ZYG11B: variants seen among roughly 807,000 people sequenced by gnomAD.
ZYG11B encodes zyg-11 family member B, cell cycle regulator.
ZYG11B carries 36 observed loss-of-function variants against 82.4 expected under a neutral mutation model. That is an observed-to-expected ratio of 0.44 (90% CI 0.33 to 0.58). The LOEUF (loss-of-function observed/expected upper bound fraction) is 0.58. ZYG11B is among the 20% of genes least tolerant of loss of function. The probability of loss-of-function intolerance (pLI) is 0.02; values close to 1 mark genes in which losing one functional copy is unlikely to be tolerated. For synonymous variants in ZYG11B, 303 were observed against 312.8 expected (o/e 0.97, Z 0.33); for missense variants, 552 against 895.6 (o/e 0.62, Z 4.90).
intron 13 of ZYG11B, among the ~76,000 whole-genome samples, chr1:52,819,235 C>T (rs532256209): frequency 7.9e-5 from 12 of 152,250 alleles, no homozygotes; most frequent in African/African-American, 2.2e-4. Context: ...GAGGCTTATC[C>T]GGTCCTTCCT....
chr1:52,813,581 A>G lies in ZYG11B; in HGVS notation c.1741A>G (p.Lys581Glu). The G allele has an allele frequency of 1.2e-6, 2 of 1,613,880 alleles. No homozygotes were observed. The highest frequency in any genetic ancestry group is 1.7e-6 in the Non-Finnish European group (2 of 1,179,900). ...VQELHSELMW[K>E]DFIDHISSLL... ...AGAATTACATTCTGAATTAATGTGG[A>G]AAGATTTTATAGACCACATCAGTAG... The change falls in exon 11 of 14, where the codon AAA becomes GAA. Residue 581 changes from lysine (K) to glutamate (E), a missense_variant. Physicochemically the swap from Lys to Glu is moderately conservative, Grantham distance 56. Coordinates refer to ENST00000294353, the MANE Select transcript of ZYG11B (RefSeq NM_024646.3).
At chr1:52,752,786 C>T (rs1213112363) in intron 1 of ZYG11B, among the ~76,000 whole-genome samples, 2 of 151,976 alleles carry the variant, frequency 1.3e-5, no homozygotes, top group East Asian at 1.9e-4. Flanking sequence ...TGGTTGTTGG[C>T]GTGGGAAAAG....
Position 52,790,053 on chromosome 1 carries a change from T to A in ZYG11B, c.1320T>A (p.Asp440Glu). ...TTTGCAGTGACCGGATCCTTCAAGA[T>A]GTTCCATTTAACAGGCAAGTGATAG... Reference protein sequence around the residue: ...LSLCSDRILQDVPFNRFEAAK... With the variant: ...LSLCSDRILQEVPFNRFEAAK... The change falls in exon 6 of 14, where the codon GAT (aspartate) becomes GAA (glutamate). Residue 440 changes from aspartate (D) to glutamate (E), a missense_variant. Coordinates refer to ENST00000294353, the MANE Select transcript of ZYG11B (RefSeq NM_024646.3). The A allele has an allele frequency of 6.3e-7, 1 of 1,594,110 alleles. No individual in the cohort carries two copies.
At chr1:52,815,309 C>G (rs1328828244) in intron 12 of ZYG11B, among the ~76,000 whole-genome samples, 1 of 151,956 alleles carries the variant, frequency 6.6e-6, no homozygotes, top group Non-Finnish European at 1.5e-5. Flanking sequence ...GCAGACTAGC[C>G]TAGGCATCAT....
intron 8 of ZYG11B, among the ~76,000 whole-genome samples, chr1:52,800,818 TA>T (rs1352955264): frequency 6.6e-6 from 1 of 151,478 alleles, no homozygotes; most frequent in Non-Finnish European, 1.5e-5. Context: ...CCAAAAAAAT[TA>T]AAAAAAAGGA....
In ZYG11B at chr1:52,771,631, T is replaced by A; in HGVS notation, c.808T>A (p.Ser270Thr). The A allele has an allele frequency of 6.2e-7, 1 of 1,614,228 alleles. No individual in the cohort carries two copies. The highest frequency in any genetic ancestry group is 8.5e-7 in the Non-Finnish European group (1 of 1,180,042). ...EQKDILPNLV[S>T]LDVSGRKHVT... ...AAAAGACATCCTACCTAACCTTGTT[T>A]CTCTGGATGTTTCTGGGAGAAAGCA... Residue 270 changes from serine (S) to threonine (T), a missense_variant, in exon 3 of 14, where the codon TCT becomes ACT. Ser to Thr is a moderately conservative substitution (Grantham distance 58). This residue lies in a region of ZYG11B where 359 missense variants were observed against 555.8 expected (regional missense o/e 0.65). Coordinates refer to ENST00000294353, the MANE Select transcript of ZYG11B (RefSeq NM_024646.3). The surrounding 1 kb of genome is among the most constrained non-coding windows in gnomAD (Gnocchi z 5.4).
intron 1 of ZYG11B, among the ~76,000 whole-genome samples, chr1:52,739,363 T>C (rs539143794): frequency 4.4e-4 from 67 of 152,238 alleles, no homozygotes; most frequent in Non-Finnish European, 7.1e-4. Flanking sequence ...AATGAAAAGG[T>C]TATATTAATC....
rs1300019027 is a variant in ZYG11B at position 52,818,271 on chromosome 1, G to A, written c.2044+1642G>A. Among the ~76,000 whole-genome samples, 3 of 151,748 alleles carry A rather than the reference G, an allele frequency of 2.0e-5. No homozygotes were observed. The East Asian group carries it at 5.8e-4, about 29-fold the overall frequency. ...GTGGATCGCTTGAGCCCGGGAGTTTGAGACCAGCCTGGGCAACATGGCGAA... is the reference window on the plus strand; with the variant it reads ...GTGGATCGCTTGAGCCCGGGAGTTTAAGACCAGCCTGGGCAACATGGCGAA... On this transcript the variant is annotated intron_variant, in intron 13 of 13. Transcript: ENST00000294353.
Position 52,756,627 on chromosome 1 carries a change from A to G in ZYG11B, c.196+4A>G. On this transcript the variant is annotated splice_donor_region_variant and intron_variant, in intron 2 of 13. Transcript: ENST00000294353. ...CTTCGGACCATGGCTTTTCATGGTAAAAAAATAAACAGAGGAAACAAAAAT... is the reference window on the plus strand; with the variant it reads ...CTTCGGACCATGGCTTTTCATGGTAGAAAAATAAACAGAGGAAACAAAAAT... The G allele has an allele frequency of 1.3e-6, 2 of 1,596,398 alleles. No individual in the cohort carries two copies. The highest frequency in any genetic ancestry group is 1.4e-5 in the African/African-American group (1 of 73,686).
At chr1:52,749,524 C>A (rs1297297139) in intron 1 of ZYG11B, among the ~76,000 whole-genome samples, 1 of 152,150 alleles carries the variant, frequency 6.6e-6, no homozygotes, top group Non-Finnish European at 1.5e-5. Flanking sequence ...ACTAAACTTG[C>A]TGGGGAATAG....
chr1:52,771,606 A>G lies in ZYG11B; in HGVS notation c.783A>G (p.Gln261=), dbSNP rs776171174. Residue 261 remains glutamine, a synonymous_variant, in exon 3 of 14, where the codon CAA becomes CAG. Transcript: ENST00000294353. This position sits in a 1 kb window ranked among gnomAD's most constrained non-coding sequence, Gnocchi z 5.4. The part of the protein sequence containing the change: ...TSDIALRLLE[Q]KDILPNLVSL... ...ACATAGCTCTTCGCTTACTAGAACA[A>G]AAAGACATCCTACCTAACCTTGTTT... 6 of 1,614,232 alleles carry G rather than the reference A, an allele frequency of 3.7e-6. 1 individual carries two copies. In the South Asian group the frequency reaches 6.6e-5, roughly 18 times the overall value.
intron 10 of ZYG11B, among the ~76,000 whole-genome samples, chr1:52,804,663 A>G (rs1429948792): frequency 6.6e-6 from 1 of 152,108 alleles, no homozygotes; most frequent in Non-Finnish European, 1.5e-5. Flanking sequence ...ATTTCTTAAC[A>G]TATTGGATAT....
At chr1:52,766,120 AT>A (rs60885892) in intron 2 of ZYG11B, among the ~76,000 whole-genome samples, 14,351 of 129,810 alleles carry the variant, frequency 0.11, 1,099 homozygotes, top group African/African-American at 0.28. Flanking sequence ...TTTTTTTTAA[AT>A]TTTTTTTTTT....
chr1:52,731,280 A>C (rs1453415338), intron 1 of ZYG11B, among the ~76,000 whole-genome samples: 1 of 96,786 alleles, frequency 1.0e-5, no homozygotes, highest in Admixed American at 1.2e-4. Flanking sequence ...ATCTCAAAAA[A>C]AAAGAAAAAA....
rs1259676660 is a variant in ZYG11B at position 52,801,901 on chromosome 1, AC to A, written c.1570del (p.Leu524SerfsTer18). 1 of 1,612,854 alleles carries A rather than the reference AC, an allele frequency of 6.2e-7. No homozygotes were observed. The highest frequency in any genetic ancestry group is 1.7e-5 in the Admixed American group (1 of 59,900). On this transcript the variant is annotated frameshift_variant, in exon 9 of 14. Transcript: ENST00000294353. LOFTEE classifies it high-confidence loss of function. ...AAATTTACTTTGAGTGCACTTTGGA[AC>A]CTCACAGATGAATCTCCAACCACTT... Reference protein sequence around the residue: ...TLKFTLSALWNLTDESPTTCR... With the variant: ...TLKFTLSALWXLTDESPTTCR...
intron 10 of ZYG11B, among the ~76,000 whole-genome samples, chr1:52,808,090 C>T (rs933818006): frequency 2.0e-5 from 3 of 152,118 alleles, no homozygotes; most frequent in East Asian, 1.9e-4. Context: ...TGGCCGGACA[C>T]GGTGGCTCAC....
intron 1 of ZYG11B, among the ~76,000 whole-genome samples, chr1:52,741,673 G>GT (rs201442955): frequency 0.013 from 1,945 of 152,180 alleles, 45 homozygotes; most frequent in African/African-American, 0.045. Flanking sequence ...AAAATGCGGG[G>GT]TTTTTTTCTA....
intron 10 of ZYG11B, among the ~76,000 whole-genome samples, chr1:52,808,182 G>C (rs1166093590): frequency 6.6e-6 from 1 of 152,218 alleles, no homozygotes; most frequent in Admixed American, 6.5e-5. Context: ...GGCCAACATG[G>C]CGAAACTCCA....
At chr1:52,779,733 AC>A in intron 3 of ZYG11B, 119 bp from the exon 4 acceptor site, 1 of 1,211,186 alleles carries the variant, frequency 8.3e-7, no homozygotes, top group South Asian at 1.6e-5. Context: ...CACATGATCC[AC>A]CCACCTTGGC....
Sources: gnomAD v4.1 joint callset for allele counts (sites outside exome capture counted in the v4.1 genomes callset) on GRCh38, gnomAD v4.1.1 for gene constraint, gnomAD v4.1.1 regional missense constraint, Gnocchi (gnomAD v3.1) non-coding constraint, MANE v1.5 for transcripts, NCBI Gene and HGNC (gene_info 2026-07-23, HGNC 2026-07-21) for gene names.